PCDHGB7: variants seen among roughly 807,000 people sequenced by gnomAD.
The protein encoded by PCDHGB7 is protocadherin gamma subfamily B, 7, also known as protocadherin gamma-B7.
Under a neutral mutation model 61.4 loss-of-function variants are expected in PCDHGB7, and 37 were observed. That is an observed-to-expected ratio of 0.60 (90% CI 0.46 to 0.79). The LOEUF is 0.79. PCDHGB7 is among the 30% of genes least tolerant of loss of function. The pLI is 0.00. For synonymous variants in PCDHGB7, 464 were observed against 503.5 expected (o/e 0.92, Z 1.05); for missense variants, 1,166 against 1,202.5 (o/e 0.97, Z 0.45).
rs751047365 is a variant in PCDHGB7 at position 141,419,570 on chromosome 5, G to C, written c.1711G>C (p.Gly571Arg). The change falls in exon 1 of 4, where the codon GGC becomes CGC. Residue 571 changes from glycine (G) to arginine (R), a missense_variant. By Grantham distance (125) the Gly-to-Arg change is moderately radical. Transcript: ENST00000398594. ...RVLYPALGPD[G>R]SALFDTVPRA... ...GCTGTACCCTGCGCTGGGTCCCGAC[G>C]GCTCCGCGCTCTTCGACACAGTGCC... 5.6e-6 allele frequency: 9 copies of C among 1,611,766 alleles called. No individual in the cohort carries two copies. The South Asian group carries it at 8.8e-5, about 16-fold the overall frequency.
At chr5:141,479,186 T>A (rs956575218) in intron 1 of PCDHGB7, 1 of 152,590 alleles carries the variant, frequency 6.6e-6, no homozygotes, top group Non-Finnish European at 1.5e-5. Flanking sequence ...GCTAGAAAAT[T>A]CAGAAAATAC....
chr5:141,463,975 C>T lies in PCDHGB7; in HGVS notation c.2416-30832C>T, dbSNP rs145316182. Among the ~76,000 whole-genome samples the T allele has an allele frequency of 1.3e-3, 204 of 151,992 alleles. 1 individual carries two copies. Among genetic ancestry groups the T allele is most frequent in the African/African-American group, 4.8e-3 (198 of 41,474 alleles). The stretch of plus-strand genomic sequence containing the variant: ...TTTTTAAAATAGCTTCATAAAACTC[C>T]ATTGTAAAAACCAGGTGCAGTGGCT... On this transcript the variant is annotated intron_variant, in intron 1 of 3. Transcript: ENST00000398594.
At chr5:141,448,263 A>G (rs2098578874) in intron 1 of PCDHGB7, among the ~76,000 whole-genome samples, 1 of 152,088 alleles carries the variant, frequency 6.6e-6, no homozygotes, top group Non-Finnish European at 1.5e-5. Flanking sequence ...ATTTTACAGT[A>G]TATATACTGT....
In PCDHGB7 at chr5:141,461,039, C is replaced by T. The variant is rs1026091108; in HGVS notation, c.2416-33768C>T. On this transcript the variant is annotated intron_variant, in intron 1 of 3. Coordinates refer to ENST00000398594, the MANE Select transcript of PCDHGB7 (RefSeq NM_018927.4). ...ACATTTTCTTTATCCACTCATTAGT[C>T]GATGGGGACTTAGGTTGGTTTCACA... is the stretch of plus-strand genomic sequence containing the variant. 2.7e-5 allele frequency among the ~76,000 whole-genome samples: 4 copies of T among 150,906 alleles called. No homozygotes were observed. In the East Asian group the frequency reaches 7.8e-4, roughly 29 times the overall value.
At chr5:141,443,538 G>A (rs768723399) in intron 1 of PCDHGB7, among the ~76,000 whole-genome samples, 2 of 152,118 alleles carry the variant, frequency 1.3e-5, no homozygotes, top group African/African-American at 4.8e-5. Flanking sequence ...TTTAAAGCTT[G>A]GGAAATTGTT....
chr5:141,482,503 C>A (rs375429072), intron 1 of PCDHGB7, among the ~76,000 whole-genome samples: 2 of 136,154 alleles, frequency 1.5e-5, no homozygotes, highest in South Asian at 4.4e-4. Context: ...CATTCTGGTA[C>A]CCAGAGTACA....
rs771858105 is a variant in PCDHGB7 at position 141,428,074 on chromosome 5, G to A, written c.2415+7800G>A. 4.4e-6 allele frequency: 7 copies of A among 1,609,112 alleles called. No homozygotes were observed. The African/African-American group carries it at 5.3e-5, about 12-fold the overall frequency. On this transcript the variant is annotated intron_variant, in intron 1 of 3. Transcript: ENST00000398594. The stretch of plus-strand genomic sequence containing the variant: ...GTGGTGGCGGTGGACGCAGATTCGG[G>A]ACACAACGCTTGGCTGTCCTACCAC...
intron 1 of PCDHGB7, chr5:141,421,745 T>C: frequency 6.2e-7 from 1 of 1,613,950 alleles, no homozygotes; most frequent in Non-Finnish European, 8.5e-7. Flanking sequence ...AGCTACCAGC[T>C]CAGCCCTAAT....
chr5:141,424,776 A>G (rs1406581367), intron 1 of PCDHGB7: 2 of 152,154 alleles, frequency 1.3e-5, no homozygotes, highest in African/African-American at 4.8e-5. Context: ...CAAATAGTAC[A>G]TTCAGTTCTT....
In PCDHGB7 at chr5:141,427,684, C is replaced by T. The variant is rs765112627; in HGVS notation, c.2415+7410C>T. 3.6e-6 allele frequency: 3 copies of T among 841,720 alleles called. No individual in the cohort carries two copies. In the Admixed American group the frequency reaches 5.8e-5, roughly 16 times the overall value. 52.1% of individuals were successfully genotyped at this position (841,720 alleles called of 1,614,324 possible). A position where few individuals can be genotyped will look rare whatever the true frequency, so the allele number is the denominator to read the frequency against. On this transcript the variant is annotated intron_variant, in intron 1 of 3. Transcript: ENST00000398594. The stretch of plus-strand genomic sequence containing the variant: ...GTGGCCGAAAACAACCTTCCCGGAG[C>T]CTCCATCCCACAAGTCAGCGCCTCT...
chr5:141,431,674 G>A lies in PCDHGB7; in HGVS notation c.2415+11400G>A, dbSNP rs756385496. ...ATTCAGGGACAATATCAACAATAGG[G>A]GAGTTGGACCACGAGGAGTCAGGAT... On this transcript the variant is annotated intron_variant, in intron 1 of 3. Transcript: ENST00000398594. The surrounding 1 kb of genome is among the most constrained non-coding windows in gnomAD (Gnocchi z 4.8). 4 of 1,614,234 alleles carry A rather than the reference G, an allele frequency of 2.5e-6. No individual in the cohort carries two copies. The Admixed American group carries it at 6.7e-5, about 27-fold the overall frequency.
intron 1 of PCDHGB7, among the ~76,000 whole-genome samples, chr5:141,471,120 C>T (rs560582806): frequency 6.7e-6 from 1 of 149,470 alleles, no homozygotes; most frequent in South Asian, 2.1e-4. Context: ...GCGATCTTAC[C>T]TTCACTGCAA....
Position 141,487,532 on chromosome 5 carries a change from A to T in PCDHGB7, c.2416-7275A>T. 6.2e-7 allele frequency: 1 copy of T among 1,614,158 alleles called. No homozygotes were observed. The highest frequency in any genetic ancestry group is 8.5e-7 in the Non-Finnish European group (1 of 1,180,022). ...ACCCACTCGGAGTGATAGCTTCATG[A>T]TGGTGAAGTCACCCAGTGCACCTAT... is the stretch of plus-strand genomic sequence containing the variant. On this transcript the variant is annotated intron_variant, in intron 1 of 3. Transcript: ENST00000398594. This position sits in a 1 kb window ranked among gnomAD's most constrained non-coding sequence, Gnocchi z 5.0.
chr5:141,434,924 A>G (rs2097731722), intron 1 of PCDHGB7, among the ~76,000 whole-genome samples: 1 of 151,756 alleles, frequency 6.6e-6, no homozygotes, highest in African/African-American at 2.4e-5. Context: ...ATGTACATAT[A>G]TTTTATATAA....
intron 1 of PCDHGB7, chr5:141,471,553 TG>T (rs1217142933): frequency 6.6e-6 from 1 of 152,224 alleles, no homozygotes; most frequent in African/African-American, 2.4e-5. Flanking sequence ...AAGGTTGCTT[TG>T]ACTCAGGGGT....
Position 141,486,271 on chromosome 5 carries a change from C to G in PCDHGB7, c.2416-8536C>G, listed in dbSNP as rs143039217. ...CCCTCCCCGAGAGTGCAGAACCTGG[C>G]ACTGTGGTGGCACTTATCAGTGTGC... On this transcript the variant is annotated intron_variant, in intron 1 of 3. Coordinates refer to ENST00000398594, the MANE Select transcript of PCDHGB7 (RefSeq NM_018927.4). The surrounding 1 kb of genome is among the most constrained non-coding windows in gnomAD (Gnocchi z 5.0). 6.2e-7 allele frequency: 1 copy of G among 1,613,968 alleles called. No homozygotes were observed. Among genetic ancestry groups the G allele is most frequent in the African/African-American group, 1.3e-5 (1 of 74,902 alleles).
chr5:141,447,854 G>A (rs1480134238), intron 1 of PCDHGB7, among the ~76,000 whole-genome samples: 1 of 152,200 alleles, frequency 6.6e-6, no homozygotes, highest in Non-Finnish European at 1.5e-5. Flanking sequence ...GGGAGGCCGA[G>A]GTGGGTGAAT....
At chr5:141,473,988 G>C (rs1006988447) in intron 1 of PCDHGB7, among the ~76,000 whole-genome samples, 8 of 152,118 alleles carry the variant, frequency 5.3e-5, no homozygotes, top group Non-Finnish European at 4.4e-5. Context: ...AGGATCCCTT[G>C]AGCCCAAGGA....
rs1242637725 is a variant in PCDHGB7 at position 141,432,619 on chromosome 5, T to G, written c.2415+12345T>G. 3.1e-6 allele frequency: 5 copies of G among 1,612,618 alleles called. No homozygotes were observed. The highest frequency in any genetic ancestry group is 1.7e-5 in the Admixed American group (1 of 59,934). On this transcript the variant is annotated intron_variant, in intron 1 of 3. Transcript: ENST00000398594. This position sits in a 1 kb window ranked among gnomAD's most constrained non-coding sequence, Gnocchi z 6.0. ...GCGAGCCGGGACTCTTCTCGGTGGG[T>G]CTGCACACGGGCGAGGTGCGCACGG... is the stretch of plus-strand genomic sequence containing the variant.
Sources: allele counts gnomAD v4.1 joint callset (sites outside exome capture counted in the v4.1 genomes callset), GRCh38; gene constraint gnomAD v4.1.1; non-coding constraint Gnocchi (gnomAD v3.1); transcripts MANE v1.5; gene names NCBI Gene and HGNC (gene_info 2026-07-23, HGNC 2026-07-21).